Variants in NBEA observed in about 807,000 individuals in gnomAD.
NBEA encodes lysosomal-trafficking regulator 2.
A neutral mutation model predicts 343.4 loss-of-function variants in NBEA; 44 were observed. The ratio of observed to expected loss-of-function variants is 0.13; its 90% confidence interval spans 0.10 to 0.16. The LOEUF (loss-of-function observed/expected upper bound fraction) is 0.16. Among genes scored for constraint, NBEA ranks in the 10% least tolerant of loss-of-function variants. NBEA has a pLI of 1.00. For missense variants in NBEA, 2,555 were observed against 3,631.3 expected (o/e 0.70, Z 7.62); for synonymous variants, 1,175 against 1,238.7 (o/e 0.95, Z 1.08).
intron 49 of NBEA, among the ~76,000 whole-genome samples, chr13:35,634,201 G>C (rs2083596078): frequency 6.6e-6 from 1 of 152,092 alleles, no homozygotes; most frequent in Admixed American, 6.6e-5. Flanking sequence ...AAAATAGCTG[G>C]GCGTGGTGGC....
chr13:35,361,779 A>G (rs1364251881), intron 38 of NBEA, among the ~76,000 whole-genome samples: 2 of 152,024 alleles, frequency 1.3e-5, no homozygotes, highest in Non-Finnish European at 2.9e-5. Flanking sequence ...ATACTTTTAA[A>G]ACTTAACAAT....
intron 43 of NBEA, 25 bp from the exon 44 acceptor site, chr13:35,554,962 T>C: frequency 8.0e-7 from 1 of 1,255,844 alleles, no homozygotes; most frequent in Non-Finnish European, 1.1e-6. Context: ...GAGACTATGT[T>C]TGTTATGCTG....
chr13:35,155,964 C>A, intron 19 of NBEA, 109 bp downstream of exon 19: 1 of 1,473,874 alleles, frequency 6.8e-7, no homozygotes, highest in South Asian at 1.2e-5. Context: ...TTACCTAGTT[C>A]ATGACAGTTT....
At position 35,195,852 on chromosome 13, in the gene NBEA, C is replaced by T. The variant is rs554344938; in HGVS notation, c.4928-12C>T. On this transcript the variant is annotated splice_polypyrimidine_tract_variant and intron_variant, in intron 30 of 58. Transcript: ENST00000379939. ...TCAAAGCTTTTTTCTAACCTAGTTT[C>T]TTTCATTACAGAAACACCTGCTGCA... 9.6e-6 allele frequency: 15 copies of T among 1,555,802 alleles called. No homozygotes were observed. Among genetic ancestry groups the T allele is most frequent in the Non-Finnish European group, 1.3e-5 (15 of 1,157,624 alleles).
chr13:35,062,064 A>G (rs922296879), intron 8 of NBEA, among the ~76,000 whole-genome samples: 2 of 151,794 alleles, frequency 1.3e-5, no homozygotes, highest in Non-Finnish European at 3.0e-5. Context: ...AGAGAAAATC[A>G]TCATATACCA....
chr13:35,314,537 G>T (rs544508766), intron 36 of NBEA, among the ~76,000 whole-genome samples: 89 of 152,134 alleles, frequency 5.9e-4, no homozygotes, highest in African/African-American at 2.1e-3. Flanking sequence ...TATCTATAGT[G>T]TTTATTTGTA....
At chr13:35,278,049 T>G (rs1051918571) in intron 34 of NBEA, among the ~76,000 whole-genome samples, 1 of 150,832 alleles carries the variant, frequency 6.6e-6, no homozygotes, top group Non-Finnish European at 1.5e-5. Flanking sequence ...ATCGCACCAC[T>G]GCACTCCAGC....
chr13:35,146,565 C>T (rs1275977905), intron 18 of NBEA, among the ~76,000 whole-genome samples: 5 of 152,056 alleles, frequency 3.3e-5, no homozygotes, highest in Non-Finnish European at 7.4e-5. Flanking sequence ...CAGTGGCCCT[C>T]CTGCTTGTAG....
chr13:35,443,386 T>A (rs1379180362), intron 39 of NBEA, among the ~76,000 whole-genome samples: 1 of 152,058 alleles, frequency 6.6e-6, no homozygotes, highest in African/African-American at 2.4e-5. Flanking sequence ...TATTATAAAT[T>A]TGAAGCTGGT....
intron 41 of NBEA, among the ~76,000 whole-genome samples, chr13:35,506,647 C>G (rs1267588325): frequency 6.6e-6 from 1 of 151,984 alleles, no homozygotes; most frequent in Non-Finnish European, 1.5e-5. Context: ...AGTAAATTAC[C>G]CCACAAATTT....
intron 41 of NBEA, among the ~76,000 whole-genome samples, chr13:35,546,844 C>G (rs368336850): frequency 4.6e-4 from 70 of 152,244 alleles, no homozygotes; most frequent in African/African-American, 1.6e-3. Context: ...TGAGCCACCG[C>G]TCCCGGCCTA....
At chr13:35,142,211 A>G in intron 17 of NBEA, 58 bp from the exon 18 acceptor site, 2 of 1,054,164 alleles carry the variant, frequency 1.9e-6, no homozygotes, top group Non-Finnish European at 2.9e-6. Context: ...TCTAAAAGTC[A>G]TGTGATCGGA....
At chr13:35,308,608 GTA>G (rs527269395) in intron 35 of NBEA, among the ~76,000 whole-genome samples, 25 of 122,446 alleles carry the variant, frequency 2.0e-4, no homozygotes, top group African/African-American at 5.0e-4. Flanking sequence ...ATGTATATAT[GTA>G]TATATATATG....
At chr13:35,000,767 TA>T (rs1482075427) in intron 1 of NBEA, among the ~76,000 whole-genome samples, 1 of 151,994 alleles carries the variant, frequency 6.6e-6, no homozygotes, top group African/African-American at 2.4e-5. Context: ...GCTTTTACAT[TA>T]AAAATGCCAT....
At chr13:35,580,096 A>C (rs570873921) in intron 45 of NBEA, among the ~76,000 whole-genome samples, 18 of 152,020 alleles carry the variant, frequency 1.2e-4, no homozygotes, top group Non-Finnish European at 2.5e-4. Context: ...CTGAATTATA[A>C]TAATAAAGTT....
At chr13:35,094,644 G>A (rs1253487376) in intron 10 of NBEA, among the ~76,000 whole-genome samples, 1 of 151,712 alleles carries the variant, frequency 6.6e-6, no homozygotes, top group Non-Finnish European at 1.5e-5. Flanking sequence ...ATTGATTAAC[G>A]TACAGTGAAA....
intron 48 of NBEA, among the ~76,000 whole-genome samples, chr13:35,626,831 G>A (rs779165456): frequency 7.2e-5 from 11 of 152,234 alleles, no homozygotes; most frequent in East Asian, 1.9e-4. Flanking sequence ...CGATGAGATA[G>A]ACAATATAGA....
intron 34 of NBEA, among the ~76,000 whole-genome samples, chr13:35,241,045 A>C (rs1258387925): frequency 6.6e-6 from 1 of 151,844 alleles, no homozygotes; most frequent in African/African-American, 2.4e-5. Context: ...ATCACAAAAA[A>C]GTTATTTCAG....
intron 24 of NBEA, among the ~76,000 whole-genome samples, chr13:35,165,303 G>A (rs888862253): frequency 6.6e-6 from 1 of 152,206 alleles, no homozygotes; most frequent in Admixed American, 6.6e-5. Context: ...CACCAGAGCA[G>A]CCTTGAAACT....
Sources: allele counts gnomAD v4.1 joint callset (sites outside exome capture counted in the v4.1 genomes callset), GRCh38; gene constraint gnomAD v4.1.1; transcripts MANE v1.5; gene names NCBI Gene and HGNC (gene_info 2026-07-23, HGNC 2026-07-21).